MLLT1: variants seen among roughly 807,000 people sequenced by gnomAD.
The protein encoded by MLLT1 is protein ENL.
MLLT1 carries 11 observed loss-of-function variants against 55.1 expected under a neutral mutation model. The ratio of observed to expected loss-of-function variants is 0.20; its 90% confidence interval spans 0.13 to 0.33. MLLT1 has a LOEUF of 0.33. MLLT1 is among the 10% of genes least tolerant of loss of function. MLLT1 has a pLI of 1.00. For synonymous variants in MLLT1, 323 were observed against 320.1 expected, an observed-to-expected ratio of 1.01 and a Z score of -0.10; for missense variants, 536 against 760.6, an observed-to-expected ratio of 0.70 and a Z score of 3.47.
intron 1 of MLLT1, among the ~76,000 whole-genome samples, chr19:6,271,215 A>G (rs1600220217): frequency 6.6e-6 from 1 of 152,174 alleles, no homozygotes; most frequent in East Asian, 1.9e-4. Flanking sequence ...TCTATCATAG[A>G]GGATGCTCTT....
chr19:6,263,340 C>T (rs2091320647), intron 2 of MLLT1: 2 of 152,296 alleles, frequency 1.3e-5, no homozygotes, highest in Admixed American at 1.3e-4. Flanking sequence ...TGCTCTCAGA[C>T]TCCACCCATG....
intron 3 of MLLT1, among the ~76,000 whole-genome samples, chr19:6,241,587 C>T (rs1032074984): frequency 6.6e-6 from 1 of 152,254 alleles, no homozygotes. Flanking sequence ...CCCACCGTCC[C>T]AGCCTTGGAG....
At chr19:6,218,160 T>C in intron 6 of MLLT1, 119 bp from the exon 7 acceptor site, 2 of 1,424,140 alleles carry the variant, frequency 1.4e-6, no homozygotes, top group South Asian at 1.4e-5. Flanking sequence ...CAGACACCCC[T>C]AGGGTCCCAA....
In MLLT1 at chr19:6,262,717, C is replaced by T. The variant is rs1349397657; in HGVS notation, c.194-407G>A. Among the ~76,000 whole-genome samples, 1 of 152,138 alleles carries T rather than the reference C, an allele frequency of 6.6e-6. No individual in the cohort carries two copies. Among genetic ancestry groups the T allele is most frequent in the Non-Finnish European group, 1.5e-5 (1 of 68,024 alleles). ...CCAGCAGGGAGGGCCACACACTCTA[C>T]TGTCACCACCTCCAGCACGGGGGCT... On this transcript the variant is annotated intron_variant, in intron 2 of 11. Coordinates refer to ENST00000252674, the MANE Select transcript of MLLT1 (RefSeq NM_005934.4). The surrounding 1 kb of genome is among the most constrained non-coding windows in gnomAD (Gnocchi z 4.4).
chr19:6,270,857 A>C lies in MLLT1; in HGVS notation c.13-98T>G. ...AGAACTTTCGATAAAGACCCCCAGC[A>C]GTGCAATACGCTCTCAACCCAGTGA... On this transcript the variant is annotated intron_variant, in intron 1 of 11. Coordinates refer to ENST00000252674, the MANE Select transcript of MLLT1 (RefSeq NM_005934.4). The surrounding 1 kb of genome is among the most constrained non-coding windows in gnomAD (Gnocchi z 7.1). 8.6e-7 allele frequency: 1 copy of C among 1,160,686 alleles called. No homozygotes were observed. The highest frequency in any genetic ancestry group is 1.2e-6 in the Non-Finnish European group (1 of 831,668). The allele number at this position is 1,160,686 out of a possible 1,614,324, so 71.9% of individuals were successfully genotyped here.
chr19:6,273,604 C>T lies in MLLT1; in HGVS notation c.13-2845G>A, dbSNP rs556204776. ...GACATTAGCCCCGAGCGGCCATGAC[C>T]ACCCTCTATGCTTACACGCCTGCGC... On this transcript the variant is annotated intron_variant, in intron 1 of 11. Coordinates refer to ENST00000252674, the MANE Select transcript of MLLT1 (RefSeq NM_005934.4). The surrounding 1 kb of genome is among the most constrained non-coding windows in gnomAD (Gnocchi z 4.3). Among the ~76,000 whole-genome samples, 3 of 152,314 alleles carry T rather than the reference C, an allele frequency of 2.0e-5. No individual in the cohort carries two copies. The South Asian group carries it at 6.2e-4, about 32-fold the overall frequency.
intron 5 of MLLT1, among the ~76,000 whole-genome samples, chr19:6,225,438 G>A (rs539590970): frequency 9.5e-4 from 145 of 152,358 alleles, no homozygotes; most frequent in African/African-American, 3.3e-3. Flanking sequence ...CGCTCAGCTG[G>A]GGAAGAGGCC....
In MLLT1 at chr19:6,230,443, G is replaced by T; in HGVS notation, c.420+127C>A. 8.7e-7 allele frequency: 1 copy of T among 1,152,240 alleles called. No homozygotes were observed. Among genetic ancestry groups the T allele is most frequent in the Non-Finnish European group, 1.2e-6 (1 of 827,068 alleles). 71.4% of individuals were successfully genotyped at this position (1,152,240 alleles called of 1,614,324 possible). A position where few individuals can be genotyped will look rare whatever the true frequency, so the allele number is the denominator to read the frequency against. ...CAGGTCCCCTCCAGCTCTGCTGGGT[G>T]CTGCCGTGTGACCTGCGCCTTGGGT... On this transcript the variant is annotated intron_variant, in intron 4 of 11. Coordinates refer to ENST00000252674, the MANE Select transcript of MLLT1 (RefSeq NM_005934.4). The surrounding 1 kb of genome is among the most constrained non-coding windows in gnomAD (Gnocchi z 9.0).
chr19:6,243,605 C>G (rs777217766), intron 3 of MLLT1, among the ~76,000 whole-genome samples: 4 of 152,150 alleles, frequency 2.6e-5, no homozygotes, highest in Non-Finnish European at 5.9e-5. Context: ...GCCACCATGT[C>G]ACCCCCAGCG....
At chr19:6,274,898 C>A (rs1446679929) in intron 1 of MLLT1, among the ~76,000 whole-genome samples, 10 of 152,350 alleles carry the variant, frequency 6.6e-5, no homozygotes, top group Admixed American at 2.0e-4. Context: ...TCCAGGCCAG[C>A]TGGCAGAGGG....
In MLLT1 at chr19:6,229,597, T is replaced by C. The variant is rs2090987511; in HGVS notation, c.420+973A>G. Among the ~76,000 whole-genome samples, 1 of 149,888 alleles carries C rather than the reference T, an allele frequency of 6.7e-6. No individual in the cohort carries two copies. Among genetic ancestry groups the C allele is most frequent in the African/African-American group, 2.5e-5 (1 of 40,438 alleles). ...ATACGTGCGTGACACACCACACACT[T>C]CCCGCAAGTGACACGACACACACGC... is the stretch of plus-strand genomic sequence containing the variant. On this transcript the variant is annotated intron_variant, in intron 4 of 11. Transcript: ENST00000252674. The surrounding 1 kb of genome is among the most constrained non-coding windows in gnomAD (Gnocchi z 5.2).
At chr19:6,279,439 G>A (rs1308257091) in intron 1 of MLLT1, among the ~76,000 whole-genome samples, 1 of 151,986 alleles carries the variant, frequency 6.6e-6, no homozygotes, top group Non-Finnish European at 1.5e-5. Context: ...AAGCCGGGCT[G>A]GGGTCCCCAG....
intron 11 of MLLT1, 30 bp from the exon 12 acceptor site, chr19:6,213,200 G>T: frequency 6.2e-7 from 1 of 1,613,732 alleles, no homozygotes; most frequent in Non-Finnish European, 8.5e-7. Flanking sequence ...GGCTTCAGGG[G>T]CAGGGGGCCA....
In MLLT1 at chr19:6,222,089, A is replaced by G; in HGVS notation, c.1110+32T>C. On this transcript the variant is annotated intron_variant, in intron 6 of 11. Coordinates refer to ENST00000252674, the MANE Select transcript of MLLT1 (RefSeq NM_005934.4). The surrounding 1 kb of genome is among the most constrained non-coding windows in gnomAD (Gnocchi z 4.1). Reference sequence around the variant, plus strand: ...AGGCGGGTCCCACCACACTGCCTGCACCTGGCTGCCCTGCCCCCAGCACTC... The same window carrying G: ...AGGCGGGTCCCACCACACTGCCTGCGCCTGGCTGCCCTGCCCCCAGCACTC... 6.9e-7 allele frequency: 1 copy of G among 1,456,714 alleles called. No homozygotes were observed. The highest frequency in any genetic ancestry group is 1.4e-5 in the African/African-American group (1 of 69,348). The allele number at this position is 1,456,714 out of a possible 1,614,324, so 90.2% of individuals were successfully genotyped here. A position where few individuals can be genotyped will look rare whatever the true frequency, so the allele number is the denominator to read the frequency against.
intron 3 of MLLT1, among the ~76,000 whole-genome samples, chr19:6,232,381 A>G (rs1473656171): frequency 6.6e-6 from 1 of 152,192 alleles, no homozygotes; most frequent in Non-Finnish European, 1.5e-5. Context: ...ACAACTGGAT[A>G]CCCACCCGGG....
chr19:6,229,963 G>A lies in MLLT1; in HGVS notation c.420+607C>T, dbSNP rs2090992695. ...GGCCCTGGGCCCTGAAGGTGGCATT[G>A]CTGTTCTGTGACCAGGCCTCAGCCT... On this transcript the variant is annotated intron_variant, in intron 4 of 11. Transcript: ENST00000252674. This position sits in a 1 kb window ranked among gnomAD's most constrained non-coding sequence, Gnocchi z 5.2. 6.6e-6 allele frequency among the ~76,000 whole-genome samples: 1 copy of A among 152,118 alleles called. No individual in the cohort carries two copies. Among genetic ancestry groups the A allele is most frequent in the Non-Finnish European group, 1.5e-5 (1 of 68,006 alleles).
At chr19:6,223,221 C>T (rs1000877661) in intron 5 of MLLT1, among the ~76,000 whole-genome samples, 5 of 152,200 alleles carry the variant, frequency 3.3e-5, no homozygotes, top group Non-Finnish European at 7.4e-5. Context: ...GACTCCACAC[C>T]CCCAGGGTCC....
At chr19:6,224,035 T>C (rs10415151) in intron 5 of MLLT1, among the ~76,000 whole-genome samples, 8,313 of 151,978 alleles carry the variant, frequency 0.055, 404 homozygotes, top group African/African-American at 0.13. Flanking sequence ...GCTTCACAGA[T>C]CCCCCAAAGA....
intron 3 of MLLT1, among the ~76,000 whole-genome samples, chr19:6,253,255 A>AC (rs1443833620): frequency 1.7e-5 from 2 of 117,732 alleles, no homozygotes; most frequent in Admixed American, 2.0e-4. Flanking sequence ...ACAGAGCGAG[A>AC]CCCCATCTCA....
Sources: gnomAD v4.1 joint callset for allele counts (sites outside exome capture counted in the v4.1 genomes callset) on GRCh38, gnomAD v4.1.1 for gene constraint, Gnocchi (gnomAD v3.1) non-coding constraint, MANE v1.5 for transcripts, NCBI Gene and HGNC (gene_info 2026-07-23, HGNC 2026-07-21) for gene names.